The following SLMAP variants were observed in gnomAD, a reference collection of about 807,000 sequenced individuals.
The protein encoded by SLMAP is sarcolemmal membrane-associated protein.
Under a neutral mutation model 128.8 loss-of-function variants are expected in SLMAP, and 44 were observed. The ratio of observed to expected loss-of-function variants is 0.34; its 90% CI spans 0.27 to 0.44. SLMAP has a LOEUF of 0.44. SLMAP is among the 20% of genes least tolerant of loss of function. The pLI is 1.00. For synonymous variants in SLMAP, 327 were observed against 348.8 expected (o/e 0.94, Z 0.70); for missense variants, 787 against 985.3 (o/e 0.80, Z 2.69).
intron 2 of SLMAP, among the ~76,000 whole-genome samples, chr3:57,803,102 C>A (rs115079411): frequency 1.3e-5 from 2 of 152,234 alleles, no homozygotes; most frequent in Non-Finnish European, 2.9e-5. Flanking sequence ...CTACTACAGT[C>A]TAAAACCAAG....
intron 14 of SLMAP, among the ~76,000 whole-genome samples, chr3:57,886,155 G>A (rs1287959077): frequency 2.0e-5 from 3 of 148,234 alleles, no homozygotes; most frequent in East Asian, 2.0e-4. Flanking sequence ...CCAGGCTGGA[G>A]TGCAGTGGCA....
intron 13 of SLMAP, among the ~76,000 whole-genome samples, chr3:57,868,428 AT>A (rs897225948): frequency 5.3e-5 from 8 of 149,756 alleles, no homozygotes; most frequent in South Asian, 2.1e-4. Context: ...GAAAAAAAAA[AT>A]TTTTTTTTTA....
At chr3:57,906,281 C>T (rs2096538006) in intron 17 of SLMAP, among the ~76,000 whole-genome samples, 1 of 109,514 alleles carries the variant, frequency 9.1e-6, no homozygotes, top group Admixed American at 1.0e-4. Context: ...AGTAGCTGAA[C>T]CCAGAATCAA....
chr3:57,809,881 C>T (rs1427819442), intron 2 of SLMAP, among the ~76,000 whole-genome samples: 1 of 152,220 alleles, frequency 6.6e-6, no homozygotes, highest in African/African-American at 2.4e-5. Flanking sequence ...CTCCACTTGT[C>T]TTCCTACCCT....
chr3:57,801,817 A>G (rs959600923), intron 2 of SLMAP, among the ~76,000 whole-genome samples: 1 of 152,030 alleles, frequency 6.6e-6, no homozygotes, highest in Admixed American at 6.5e-5. Context: ...AGTTTGTGCC[A>G]GTTGGCACAA....
intron 2 of SLMAP, among the ~76,000 whole-genome samples, chr3:57,778,716 C>T (rs2082414379): frequency 6.6e-6 from 1 of 151,698 alleles, no homozygotes; most frequent in Non-Finnish European, 1.5e-5. Flanking sequence ...GCTAGGACTA[C>T]AGGTGCATGC....
intron 8 of SLMAP, among the ~76,000 whole-genome samples, chr3:57,859,695 T>TG (rs1266461621): frequency 1.3e-5 from 2 of 152,062 alleles, no homozygotes; most frequent in African/African-American, 4.8e-5. Context: ...TAATGGACAT[T>TG]GGAGACTCAG....
intron 2 of SLMAP, among the ~76,000 whole-genome samples, chr3:57,830,491 G>A (rs559971889): frequency 6.6e-6 from 1 of 152,124 alleles, no homozygotes; most frequent in Non-Finnish European, 1.5e-5. Context: ...AGAAAGGTAC[G>A]TCTTTTTTTA....
At chr3:57,786,947 A>G (rs1162249183) in intron 2 of SLMAP, among the ~76,000 whole-genome samples, 1 of 152,122 alleles carries the variant, frequency 6.6e-6, no homozygotes, top group Non-Finnish European at 1.5e-5. Context: ...CATGTTAGCC[A>G]GGATGATCTC....
chr3:57,843,033 AACTTGGCATAGT>A (rs1032819281), intron 4 of SLMAP, among the ~76,000 whole-genome samples: 1 of 152,222 alleles, frequency 6.6e-6, no homozygotes, highest in Non-Finnish European at 1.5e-5. Flanking sequence ...GTACTTAAAG[AACTTGGCATAGT>A]ACTTGGCATA....
chr3:57,838,680 A>G (rs1429639003), intron 3 of SLMAP, among the ~76,000 whole-genome samples: 1 of 152,236 alleles, frequency 6.6e-6, no homozygotes, highest in Non-Finnish European at 1.5e-5. Context: ...TGGTGAAGGA[A>G]TTAGAAAATC....
chr3:57,824,624 C>T lies in SLMAP; in HGVS notation c.199-6759C>T, dbSNP rs547667571. Among the ~76,000 whole-genome samples, 11 of 152,198 alleles carry T rather than the reference C, an allele frequency of 7.2e-5. 1 individual carries two copies. The highest frequency in any genetic ancestry group is 6.8e-3 in the Middle Eastern group (2 of 294). On this transcript the variant is annotated intron_variant, in intron 2 of 24. Coordinates refer to ENST00000671191, the MANE Select transcript of SLMAP (RefSeq NM_001377540.1). ...TTGATCTTTATATCTGTCCGTATGC[C>T]GGTAACACAATGTTTTGATTACTGT...
In SLMAP at chr3:57,781,216, C is replaced by CA. The variant is rs929734526; in HGVS notation, c.198+23375dup. 4.6e-5 allele frequency among the ~76,000 whole-genome samples: 7 copies of CA among 150,942 alleles called. No individual in the cohort carries two copies. The East Asian group carries it at 5.8e-4, about 13-fold the overall frequency. On this transcript the variant is annotated intron_variant, in intron 2 of 24. Transcript: ENST00000671191. ...CCTGGGCAACAGAGTGAGACCCTCTCAAAAAAAAGGACTAAAAATATTAGA... is the reference window on the plus strand; with the variant it reads ...CCTGGGCAACAGAGTGAGACCCTCTCAAAAAAAAAGGACTAAAAATATTAGA...
intron 13 of SLMAP, among the ~76,000 whole-genome samples, chr3:57,866,930 T>C (rs1479791675): frequency 6.6e-6 from 1 of 151,842 alleles, no homozygotes; most frequent in Non-Finnish European, 1.5e-5. Flanking sequence ...CCCAGCACTT[T>C]GGGAGGCCAA....
intron 15 of SLMAP, among the ~76,000 whole-genome samples, chr3:57,895,520 G>C (rs946345942): frequency 2.0e-5 from 3 of 151,944 alleles, no homozygotes; most frequent in Non-Finnish European, 4.4e-5. Context: ...ATTTTTTGTA[G>C]AGATGGGGTT....
intron 13 of SLMAP, among the ~76,000 whole-genome samples, chr3:57,869,863 G>A (rs1384567505): frequency 1.3e-5 from 2 of 151,102 alleles, no homozygotes; most frequent in Non-Finnish European, 2.9e-5. Flanking sequence ...GAAGGGTTTA[G>A]TAACTACAGT....
intron 2 of SLMAP, among the ~76,000 whole-genome samples, chr3:57,788,821 T>C (rs1417789214): frequency 6.6e-6 from 1 of 152,142 alleles, no homozygotes. Context: ...GTGATGAATG[T>C]GGAAGCTCGC....
At chr3:57,812,221 A>G (rs768075425) in intron 2 of SLMAP, among the ~76,000 whole-genome samples, 4 of 152,148 alleles carry the variant, frequency 2.6e-5, no homozygotes, top group Non-Finnish European at 5.9e-5. Context: ...CATTTAGATC[A>G]TTGATCCATT....
At chr3:57,839,929 C>A (rs1271726146) in intron 3 of SLMAP, among the ~76,000 whole-genome samples, 1 of 152,038 alleles carries the variant, frequency 6.6e-6, no homozygotes, top group African/African-American at 2.4e-5. Context: ...CTCAGGTGAT[C>A]TGCCCACCTC....
Sources: allele counts gnomAD v4.1 joint callset (sites outside exome capture counted in the v4.1 genomes callset), GRCh38; gene constraint gnomAD v4.1.1; transcripts MANE v1.5; gene names NCBI Gene and HGNC (gene_info 2026-07-23, HGNC 2026-07-21).